TRRAP: variants seen among roughly 807,000 people sequenced by gnomAD.
TRRAP encodes the protein transformation/transcription domain associated protein.
Under a neutral mutation model 438.8 loss-of-function variants are expected in TRRAP, and 41 were observed. The ratio of observed to expected loss-of-function variants is 0.09; its 90% CI spans 0.07 to 0.12. The LOEUF is 0.12. TRRAP is among the 10% of genes least tolerant of loss of function. The pLI is 1.00. For synonymous variants in TRRAP, 1,994 were observed against 1,962.9 expected, an observed-to-expected ratio of 1.02 and a Z score of -0.42; for missense variants, 3,122 against 5,055.1, an observed-to-expected ratio of 0.62 and a Z score of 11.60.
chr7:98,878,999 C>T (rs1554402585), intron 1 of TRRAP, among the ~76,000 whole-genome samples: 2 of 152,038 alleles, frequency 1.3e-5, no homozygotes, highest in Non-Finnish European at 2.9e-5. Context: ...CCTGTCCCTC[C>T]GGAGGCGCCC....
At chr7:98,899,616 A>G (rs943337076) in intron 9 of TRRAP, 63 bp from the exon 10 acceptor site, 59 of 1,606,796 alleles carry the variant, frequency 3.7e-5, no homozygotes, top group Non-Finnish European at 4.2e-5. Flanking sequence ...ATTCTTCGGT[A>G]TGCCAGATTT....
intron 45 of TRRAP, among the ~76,000 whole-genome samples, chr7:98,960,759 T>C (rs1026098440): frequency 6.9e-6 from 1 of 144,836 alleles, no homozygotes; most frequent in African/African-American, 2.5e-5. Flanking sequence ...GCCTGGCTTT[T>C]TGTGTGTGTG....
intron 63 of TRRAP, 76 bp downstream of exon 63, chr7:98,989,042 T>C (rs1793274892): frequency 1.4e-6 from 2 of 1,475,774 alleles, no homozygotes; most frequent in Non-Finnish European, 1.8e-6. Flanking sequence ...AGCTATAGTT[T>C]ACTCATCCGT....
intron 51 of TRRAP, among the ~76,000 whole-genome samples, chr7:98,969,076 A>T (rs1584374547): frequency 6.6e-6 from 1 of 152,204 alleles, no homozygotes. Flanking sequence ...CCCACTGGCC[A>T]CCGCCATCTC....
chr7:98,900,445 T>C (rs533170165), intron 10 of TRRAP, among the ~76,000 whole-genome samples, 179 bp from the exon 11 acceptor site: 1 of 152,330 alleles, frequency 6.6e-6, no homozygotes, highest in South Asian at 2.1e-4. Flanking sequence ...TGTGTTTCCT[T>C]AAAACTTTTA....
chr7:98,909,963 C>T (rs1209236025), intron 14 of TRRAP, 93 bp from the exon 15 acceptor site: 3 of 1,469,284 alleles, frequency 2.0e-6, no homozygotes, highest in African/African-American at 1.4e-5. Flanking sequence ...CAGCTGGTGT[C>T]AGTCCCATCT....
chr7:99,005,370 C>T lies in TRRAP; in HGVS notation c.10753+22C>T, dbSNP rs186731198. 2.5e-3 allele frequency: 3,998 copies of T among 1,611,018 alleles called. 37 individuals carry two copies. Among genetic ancestry groups the T allele is most frequent in the Non-Finnish European group, 2.3e-3 (2,742 of 1,177,646 alleles). On this transcript the variant is annotated intron_variant, in intron 69 of 72. Coordinates refer to ENST00000456197, the MANE Select transcript of TRRAP (RefSeq NM_001375524.1). The surrounding 1 kb of genome is among the most constrained non-coding windows in gnomAD (Gnocchi z 5.1). The stretch of plus-strand genomic sequence containing the variant: ...ACAGGTAGGGTTGAGAGCCACAGCT[C>T]GCTGGGTACACAGGCAGCTTCACAG...
At chr7:98,896,214 G>GT (rs1175315830) in intron 7 of TRRAP, among the ~76,000 whole-genome samples, 10 of 151,002 alleles carry the variant, frequency 6.6e-5, no homozygotes, top group Admixed American at 2.0e-4. Context: ...TATATTTTCA[G>GT]TTTTTTTTTA....
At chr7:98,882,068 T>G (rs1472673298) in intron 3 of TRRAP, 44 bp downstream of exon 3, 1 of 1,526,068 alleles carries the variant, frequency 6.6e-7, no homozygotes, top group Non-Finnish European at 9.0e-7. Flanking sequence ...AGGTAAATAT[T>G]CTTATTCACT....
rs555489435 is a variant in TRRAP, at chr7:98,925,425, T to G, written c.2975+162T>G. Among the ~76,000 whole-genome samples the G allele has an allele frequency of 2.0e-5, 3 of 152,246 alleles. No homozygotes were observed. In the East Asian group the frequency reaches 5.8e-4, roughly 29 times the overall value. On this transcript the variant is annotated intron_variant, in intron 22 of 72. Coordinates refer to ENST00000456197, the MANE Select transcript of TRRAP (RefSeq NM_001375524.1). The stretch of plus-strand genomic sequence containing the variant: ...CTTCTTGTTGGGGCCTTAGAGAAAA[T>G]GGAAAGGAGAACTGGGTGCTTGAGA...
chr7:99,011,675 C>A lies in TRRAP; in HGVS notation c.11337+140C>A. ...GGCCAGCACCCCTGTGTGTTATGTC[C>A]TTTGCTGTGAGGGCAAGGGATGGTT... is the stretch of plus-strand genomic sequence containing the variant. On this transcript the variant is annotated intron_variant, in intron 72 of 72. Transcript: ENST00000456197. The surrounding 1 kb of genome is among the most constrained non-coding windows in gnomAD (Gnocchi z 7.1). 9.7e-7 allele frequency: 1 copy of A among 1,034,260 alleles called. No homozygotes were observed. The highest frequency in any genetic ancestry group is 1.4e-6 in the Non-Finnish European group (1 of 728,300). 64.1% of individuals were successfully genotyped at this position (1,034,260 alleles called of 1,614,324 possible). A position where few individuals can be genotyped will look rare whatever the true frequency, so the allele number is the denominator to read the frequency against.
chr7:98,967,460 G>A, intron 50 of TRRAP, 25 bp from the exon 51 acceptor site: 7 of 1,611,804 alleles, frequency 4.3e-6, no homozygotes, highest in Non-Finnish European at 5.9e-6. Context: ...CCATCGTCTT[G>A]CCTGTCTCTG....
chr7:98,895,911 G>C, intron 7 of TRRAP, 91 bp downstream of exon 7: 2 of 996,026 alleles, frequency 2.0e-6, no homozygotes, highest in Non-Finnish European at 2.9e-6. Flanking sequence ...CAGAAATAGT[G>C]TGTGGGGAGG....
chr7:98,982,824 G>A (rs1792992063), intron 59 of TRRAP, among the ~76,000 whole-genome samples: 1 of 152,216 alleles, frequency 6.6e-6, no homozygotes, highest in African/African-American at 2.4e-5. Flanking sequence ...GGTGCTTAGT[G>A]TGGCTGTGGG....
At chr7:98,970,429 A>C in intron 52 of TRRAP, 138 bp downstream of exon 52, 2 of 1,084,934 alleles carry the variant, frequency 1.8e-6, no homozygotes, top group Non-Finnish European at 2.6e-6. Context: ...CCCGCGCCCC[A>C]CGGGCAGAAT....
chr7:98,917,967 C>T (rs1333662691), intron 20 of TRRAP, among the ~76,000 whole-genome samples: 1 of 151,714 alleles, frequency 6.6e-6, no homozygotes, highest in East Asian at 1.9e-4. Flanking sequence ...ACAAAAAATA[C>T]AAAAATTAGC....
rs782697972 is a variant in TRRAP, at chr7:98,935,668, G to A, written c.4104G>A (p.Ala1368=). 4.4e-6 allele frequency: 7 copies of A among 1,587,276 alleles called. No individual in the cohort carries two copies. The highest frequency in any genetic ancestry group is 4.5e-5 in the East Asian group (2 of 44,426). Residue 1368 remains alanine (A), a synonymous_variant, in exon 28 of 73, where the codon GCG becomes GCA. Transcript: ENST00000456197. ...CGTCACTCGTACCTTTACGAATTGC[G>A]GCATTAAGTAAGTTAATGAAAATCT... ...SLPSLVPLRI[A]ALNALAACNY...
At chr7:98,998,198 A>G (rs1198322425) in intron 67 of TRRAP, among the ~76,000 whole-genome samples, 2 of 152,222 alleles carry the variant, frequency 1.3e-5, no homozygotes, top group East Asian at 3.8e-4. Flanking sequence ...GAAGGGCTCT[A>G]AGTTTAACTC....
rs782566917 is a variant in TRRAP, at chr7:98,903,475, C to T, written c.994C>T (p.Leu332=). The T allele has an allele frequency of 6.2e-6, 10 of 1,614,220 alleles. No homozygotes were observed. The highest frequency in any genetic ancestry group is 8.5e-6 in the Non-Finnish European group (10 of 1,180,050). Reference sequence around the variant, plus strand: ...GACTGCACACCTCAGAAAGGAGCTTCTGATTGCTGCCAAACACATCCTCAC... The same window carrying T: ...GACTGCACACCTCAGAAAGGAGCTTTTGATTGCTGCCAAACACATCCTCAC... The part of the protein sequence containing the change: ...AETAHLRKEL[L]IAAKHILTTE... Residue 332 remains leucine (L), a synonymous_variant, in exon 12 of 73, where the codon CTG becomes TTG. Coordinates refer to ENST00000456197, the MANE Select transcript of TRRAP (RefSeq NM_001375524.1).
Sources: gnomAD v4.1 joint callset for allele counts (sites outside exome capture counted in the v4.1 genomes callset) on GRCh38, gnomAD v4.1.1 for gene constraint, Gnocchi (gnomAD v3.1) non-coding constraint, MANE v1.5 for transcripts, NCBI Gene and HGNC (gene_info 2026-07-23, HGNC 2026-07-21) for gene names.